TEAD1: variants seen among roughly 807,000 people sequenced by gnomAD.
TEAD1 encodes the protein transcriptional enhancer factor TEF-1.
A neutral mutation model predicts 54.9 loss-of-function variants in TEAD1; 9 were observed. The observed-to-expected ratio is 0.16, with a 90% CI of 0.10 to 0.29. The LOEUF (loss-of-function observed/expected upper bound fraction) is 0.29, where lower values mean the gene tolerates loss of function less well. TEAD1 is among the 10% of genes least tolerant of loss of function. TEAD1 has a pLI of 1.00. For synonymous variants in TEAD1, 200 were observed against 187.8 expected, an observed-to-expected ratio of 1.07 and a Z score of -0.53; for missense variants, 387 against 535.9, an observed-to-expected ratio of 0.72 and a Z score of 2.74.
chr11:12,831,972 G>A lies in TEAD1; in HGVS notation c.203-30278G>A, dbSNP rs919467350. Reference sequence around the variant, plus strand: ...GCTCTCAACAGGTATTAAGAGGTAGGAAAGCTGCCCCCCGGCAAGTTTCTT... The same window carrying A: ...GCTCTCAACAGGTATTAAGAGGTAGAAAAGCTGCCCCCCGGCAAGTTTCTT... On this transcript the variant is annotated intron_variant, in intron 3 of 12. Transcript: ENST00000527636. Among the ~76,000 whole-genome samples the A allele has an allele frequency of 3.9e-5, 6 of 152,264 alleles. No individual in the cohort carries two copies. In the South Asian group the frequency reaches 1.0e-3, roughly 26 times the overall value.
At chr11:12,811,586 A>G (rs563212028) in intron 3 of TEAD1, among the ~76,000 whole-genome samples, 15 of 152,302 alleles carry the variant, frequency 9.8e-5, no homozygotes, top group African/African-American at 3.6e-4. Context: ...AGGGATCCTC[A>G]TGCTAAGGCA....
At chr11:12,878,504 C>T (rs1413382128) in intron 5 of TEAD1, among the ~76,000 whole-genome samples, 3 of 152,106 alleles carry the variant, frequency 2.0e-5, no homozygotes, top group Non-Finnish European at 2.9e-5. Context: ...CTATTGGCAC[C>T]GGTAGCCTTT....
chr11:12,819,787 A>T (rs116752337), intron 3 of TEAD1, among the ~76,000 whole-genome samples: 1,649 of 152,316 alleles, frequency 0.011, 34 homozygotes, highest in African/African-American at 0.038. Context: ...ATTCTGTAAT[A>T]CGTTGGCCAG....
chr11:12,767,669 G>A (rs1945232293), intron 3 of TEAD1, among the ~76,000 whole-genome samples: 1 of 152,184 alleles, frequency 6.6e-6, no homozygotes, highest in South Asian at 2.1e-4. Context: ...GGTCTTTGGG[G>A]AGCTGAGACT....
rs79619445 is a variant in TEAD1 at position 12,844,911 on chromosome 11, C to T, written c.203-17339C>T. 5.6e-3 allele frequency among the ~76,000 whole-genome samples: 824 copies of T among 147,954 alleles called. 6 individuals carry two copies. Among genetic ancestry groups the T allele is most frequent in the African/African-American group, 0.019 (776 of 40,618 alleles). On this transcript the variant is annotated intron_variant, in intron 3 of 12. Coordinates refer to ENST00000527636, the MANE Select transcript of TEAD1 (RefSeq NM_021961.6). ...GCATGTGTTGGCTCCAAGGAAGTCA[C>T]CATTATGGCTTTCTCCTGGTTCCTG...
chr11:12,846,334 T>C lies in TEAD1; in HGVS notation c.203-15916T>C, dbSNP rs371604968. On this transcript the variant is annotated intron_variant, in intron 3 of 12. Transcript: ENST00000527636. Reference sequence around the variant, plus strand: ...TTTTAAAGGCTTAAAATAGATTCACTCATAGCATTTAAATAGAGGGCATCT... The same window carrying C: ...TTTTAAAGGCTTAAAATAGATTCACCCATAGCATTTAAATAGAGGGCATCT... Among the ~76,000 whole-genome samples, 142 of 145,960 alleles carry C rather than the reference T, an allele frequency of 9.7e-4. 1 individual carries two copies. Among genetic ancestry groups the C allele is most frequent in the African/African-American group, 3.3e-3 (131 of 39,904 alleles).
At chr11:12,754,750 G>C (rs1944951680) in intron 2 of TEAD1, among the ~76,000 whole-genome samples, 1 of 152,148 alleles carries the variant, frequency 6.6e-6, no homozygotes, top group African/African-American at 2.4e-5. Flanking sequence ...TCGCAGTTTA[G>C]CTCTTTAAAA....
intron 3 of TEAD1, among the ~76,000 whole-genome samples, chr11:12,813,651 C>T (rs1946352035): frequency 1.3e-5 from 2 of 152,208 alleles, no homozygotes; most frequent in Non-Finnish European, 2.9e-5. Context: ...TTTCTCCAAA[C>T]TTCAGTGTGC....
chr11:12,838,473 A>T (rs1317776197), intron 3 of TEAD1, among the ~76,000 whole-genome samples: 1 of 152,228 alleles, frequency 6.6e-6, no homozygotes, highest in African/African-American at 2.4e-5. Context: ...ATACTTTTGG[A>T]TTCAAATCAT....
chr11:12,904,737 G>T, intron 10 of TEAD1: 1 of 181,612 alleles, frequency 5.5e-6, no homozygotes, highest in South Asian at 9.9e-5. Flanking sequence ...AATTTGCTCA[G>T]TTTTAATTTC....
At chr11:12,823,269 T>TG (rs1251028280) in intron 3 of TEAD1, 3 of 152,216 alleles carry the variant, frequency 2.0e-5, no homozygotes. Context: ...GGCCAACACT[T>TG]GCTAGCTGTG....
intron 2 of TEAD1, among the ~76,000 whole-genome samples, chr11:12,744,211 G>C (rs1336380516): frequency 6.6e-6 from 1 of 152,176 alleles, no homozygotes; most frequent in East Asian, 1.9e-4. Flanking sequence ...TGTGTATACA[G>C]TGTGAGAGGC....
intron 3 of TEAD1, among the ~76,000 whole-genome samples, chr11:12,814,777 CTGTG>C (rs397842274): frequency 0.01 from 1,077 of 105,894 alleles, 8 homozygotes; most frequent in African/African-American, 0.018. Flanking sequence ...TCGCAGAGCT[CTGTG>C]TGTGTGTGTG....
intron 4 of TEAD1, 150 bp from the exon 5 acceptor site, chr11:12,864,688 G>C: frequency 6.5e-7 from 1 of 1,541,080 alleles, no homozygotes; most frequent in Non-Finnish European, 8.7e-7. Context: ...CAATGTAGGT[G>C]TCTAGTCATA....
chr11:12,704,957 A>C (rs758410660), intron 2 of TEAD1, among the ~76,000 whole-genome samples: 1 of 152,180 alleles, frequency 6.6e-6, no homozygotes, highest in African/African-American at 2.4e-5. Context: ...TGTATGCCCA[A>C]CTCTGTGCTT....
intron 10 of TEAD1, among the ~76,000 whole-genome samples, chr11:12,917,845 T>C (rs1208126181): frequency 1.3e-5 from 2 of 152,244 alleles, no homozygotes; most frequent in Admixed American, 1.3e-4. Flanking sequence ...TTCTAAGTGT[T>C]GTTTTTTAAC....
intron 2 of TEAD1, among the ~76,000 whole-genome samples, chr11:12,748,654 C>T (rs1242440064): frequency 1.3e-5 from 2 of 151,982 alleles, no homozygotes; most frequent in Non-Finnish European, 2.9e-5. Context: ...GGATTTCTGG[C>T]ATAAAGCTGG....
intron 10 of TEAD1, among the ~76,000 whole-genome samples, chr11:12,920,026 T>G (rs993651833): frequency 6.6e-6 from 1 of 152,230 alleles, no homozygotes; most frequent in Non-Finnish European, 1.5e-5. Flanking sequence ...AGTAGAATGA[T>G]TATGAAGATG....
chr11:12,703,467 A>G (rs1226877635), intron 2 of TEAD1, among the ~76,000 whole-genome samples: 7 of 152,290 alleles, frequency 4.6e-5, no homozygotes, highest in Middle Eastern at 3.4e-3. Flanking sequence ...TTGCCTGCCC[A>G]AGCCTCCCTA....
Sources: allele counts gnomAD v4.1 joint callset (sites outside exome capture counted in the v4.1 genomes callset), GRCh38; gene constraint gnomAD v4.1.1; transcripts MANE v1.5; gene names NCBI Gene and HGNC (gene_info 2026-07-23, HGNC 2026-07-21).